SCUBE2: variants seen among roughly 807,000 people sequenced by gnomAD.
The protein encoded by SCUBE2 is signal peptide, CUB and EGF-like domain-containing protein 2.
A neutral mutation model predicts 125.9 loss-of-function variants in SCUBE2; 114 were observed. The observed-to-expected ratio is 0.91, with a 90% CI of 0.78 to 1.06. The LOEUF (loss-of-function observed/expected upper bound fraction) is 1.06, where lower values mean the gene tolerates loss of function less well. Among genes scored for constraint, SCUBE2 ranks in the 50% least tolerant of loss-of-function variants. The pLI is 0.00. For synonymous variants in SCUBE2, 459 were observed against 492.9 expected (o/e 0.93, Z 0.91); for missense variants, 1,255 against 1,301.8 (o/e 0.96, Z 0.55).
intron 19 of SCUBE2, among the ~76,000 whole-genome samples, chr11:9,029,665 T>A (rs189622920): frequency 1.6e-4 from 24 of 152,326 alleles, no homozygotes; most frequent in Non-Finnish European, 3.4e-4. Context: ...CTTGTAAGTG[T>A]GCCTGAGGAA....
At position 9,065,943 on chromosome 11, in the gene SCUBE2, G is replaced by T; in HGVS notation, c.798C>A (p.Asn266Lys). The T allele has an allele frequency of 6.2e-7, 1 of 1,614,186 alleles. No homozygotes were observed. The highest frequency in any genetic ancestry group is 8.5e-7 in the Non-Finnish European group (1 of 1,180,002). Reference protein sequence around the residue: ...EDTVLEVTESNTTSVVDGDKR... With the variant: ...EDTVLEVTESKTTSVVDGDKR... The stretch of plus-strand genomic sequence containing the variant: ...TATCCCCATCCACCACTGATGTGGT[G>T]TTGCTCTCTGTCACCTCCAGGACAG... The change falls in exon 7 of 23, where the codon AAC becomes AAA. Residue 266 changes from asparagine (N) to lysine (K), a missense_variant. Coordinates refer to ENST00000649792, the MANE Select transcript of SCUBE2 (RefSeq NM_001367977.2).
intron 2 of SCUBE2, among the ~76,000 whole-genome samples, chr11:9,089,427 TGAGTGG>T (rs1862417649): frequency 1.3e-5 from 2 of 152,188 alleles, no homozygotes; most frequent in South Asian, 4.1e-4. Context: ...GCCCCAAAAC[TGAGTGG>T]GACCCAAAGA....
intron 16 of SCUBE2, among the ~76,000 whole-genome samples, chr11:9,036,359 T>A (rs914674683): frequency 6.6e-6 from 1 of 152,208 alleles, no homozygotes; most frequent in Admixed American, 6.5e-5. Flanking sequence ...CCATCTCTCA[T>A]GTAAAGCTGG....
chr11:9,065,949 C>T lies in SCUBE2; in HGVS notation c.792G>A (p.Glu264=). 3 of 1,614,186 alleles carry T rather than the reference C, an allele frequency of 1.9e-6. No homozygotes were observed. The highest frequency in any genetic ancestry group is 1.1e-5 in the South Asian group (1 of 91,080). The change falls in exon 7 of 23, where the codon GAG becomes GAA. Residue 264 remains glutamate, a synonymous_variant. Transcript: ENST00000649792. ...EREDTVLEVT[E]SNTTSVVDGD... The stretch of plus-strand genomic sequence containing the variant: ...CATCCACCACTGATGTGGTGTTGCT[C>T]TCTGTCACCTCCAGGACAGTGTCCT...
chr11:9,027,262 G>T, intron 20 of SCUBE2, 102 bp downstream of exon 20: 1 of 1,071,744 alleles, frequency 9.3e-7, no homozygotes, highest in Non-Finnish European at 1.4e-6. Flanking sequence ...CTCTAATATG[G>T]AGGTGACGTT....
chr11:9,053,834 G>C, intron 10 of SCUBE2, 75 bp from the exon 11 acceptor site: 1 of 1,547,876 alleles, frequency 6.5e-7, no homozygotes, highest in Non-Finnish European at 8.8e-7. Context: ...CTTGAGGAAG[G>C]AGCAGCAGGG....
intron 16 of SCUBE2, among the ~76,000 whole-genome samples, chr11:9,043,461 T>C (rs1397319726): frequency 7.0e-6 from 1 of 143,668 alleles, no homozygotes; most frequent in Non-Finnish European, 1.6e-5. Context: ...GACCCTATAA[T>C]CATTTTTTTT....
chr11:9,055,684 A>G (rs2135515622), intron 10 of SCUBE2, 109 bp downstream of exon 10: 1 of 793,630 alleles, frequency 1.3e-6, no homozygotes, highest in Non-Finnish European at 2.2e-6. Flanking sequence ...AGGGACTGCA[A>G]TGTACCTTTC....
chr11:9,044,281 C>G lies in SCUBE2; in HGVS notation c.2002+3075G>C, dbSNP rs554757453. ...GTTTTTTATTTTGTTAAGATAGGCT[C>G]TTGGTCTGCCACCCAGGCTGCAGTG... On this transcript the variant is annotated intron_variant, in intron 16 of 22. Transcript: ENST00000649792. Among the ~76,000 whole-genome samples, 17 of 152,280 alleles carry G rather than the reference C, an allele frequency of 1.1e-4. No individual in the cohort carries two copies. In the South Asian group the frequency reaches 3.1e-3, roughly 28 times the overall value.
At chr11:9,075,461 G>A (rs1861143428) in intron 3 of SCUBE2, among the ~76,000 whole-genome samples, 1 of 152,202 alleles carries the variant, frequency 6.6e-6, no homozygotes, top group African/African-American at 2.4e-5. Context: ...TGGGAGGCAT[G>A]AAGAACATTC....
intron 12 of SCUBE2, 82 bp from the exon 13 acceptor site, chr11:9,052,914 C>A (rs1858567701): frequency 1.7e-6 from 2 of 1,177,744 alleles, no homozygotes; most frequent in Non-Finnish European, 2.4e-6. Flanking sequence ...CCCCCCACCC[C>A]ACTCCACATG....
chr11:9,027,252 C>T (rs1300274460), intron 20 of SCUBE2, 112 bp downstream of exon 20: 6 of 969,806 alleles, frequency 6.2e-6, no homozygotes, highest in Non-Finnish European at 9.5e-6. Context: ...TTCACCTCTG[C>T]TCTAATATGG....
intron 3 of SCUBE2, among the ~76,000 whole-genome samples, chr11:9,077,830 A>G (rs1020862284): frequency 2.6e-5 from 4 of 152,232 alleles, no homozygotes; most frequent in Non-Finnish European, 5.9e-5. Context: ...CTCTGTGCTG[A>G]TAATATCTGT....
chr11:9,059,171 G>T, intron 9 of SCUBE2, 132 bp downstream of exon 9: 1 of 1,031,406 alleles, frequency 9.7e-7, no homozygotes, highest in Non-Finnish European at 1.4e-6. Flanking sequence ...AATGAGTGAA[G>T]CCTAGGAAGG....
At chr11:9,033,093 C>T (rs1348135497) in intron 17 of SCUBE2, among the ~76,000 whole-genome samples, 3 of 152,084 alleles carry the variant, frequency 2.0e-5, no homozygotes, top group Non-Finnish European at 2.9e-5. Flanking sequence ...AAAAGGAAGA[C>T]ATTTAATAAT....
intron 9 of SCUBE2, among the ~76,000 whole-genome samples, chr11:9,056,566 C>G (rs887862013): frequency 6.6e-6 from 1 of 152,166 alleles, no homozygotes; most frequent in African/African-American, 2.4e-5. Flanking sequence ...TGCTCCTCCC[C>G]TATGTGCCAG....
chr11:9,067,752 AAT>A (rs765410024), intron 5 of SCUBE2, among the ~76,000 whole-genome samples: 11 of 152,222 alleles, frequency 7.2e-5, no homozygotes, highest in Non-Finnish European at 1.0e-4. Flanking sequence ...TTAATGTTAA[AAT>A]ATGTTAATGT....
chr11:9,077,906 G>A (rs1207317390), intron 3 of SCUBE2, among the ~76,000 whole-genome samples: 3 of 152,140 alleles, frequency 2.0e-5, no homozygotes, highest in African/African-American at 7.2e-5. Flanking sequence ...ACTCAGAGCC[G>A]CCCACCAGCC....
intron 3 of SCUBE2, among the ~76,000 whole-genome samples, chr11:9,075,205 TA>T (rs5789594): frequency 0.13 from 15,507 of 123,748 alleles, 1,827 homozygotes; most frequent in African/African-American, 0.33. Flanking sequence ...AGACGCCATC[TA>T]AAAAAAAAAA....
Sources: allele counts gnomAD v4.1 joint callset (sites outside exome capture counted in the v4.1 genomes callset), GRCh38; gene constraint gnomAD v4.1.1; transcripts MANE v1.5; gene names NCBI Gene and HGNC (gene_info 2026-07-23, HGNC 2026-07-21).